RBFOX1: variants seen among roughly 807,000 people sequenced by gnomAD.
RBFOX1 encodes the protein RNA binding fox-1 homolog 1.
In RBFOX1, 8 loss-of-function variants were observed where a neutral mutation model predicts 57.7. The observed-to-expected ratio is 0.14, with a 90% CI of 0.08 to 0.25. The LOEUF is 0.25. Ranked by LOEUF, RBFOX1 falls within the 10% of genes least tolerant of loss-of-function variation. The pLI is 1.00. For synonymous variants in RBFOX1, 326 were observed against 222.4 expected, an observed-to-expected ratio of 1.47 and a Z score of -4.15; for missense variants, 611 against 548.5, an observed-to-expected ratio of 1.11 and a Z score of -1.14.
chr16:7,177,417 C>T (rs772886978), intron 4 of RBFOX1, among the ~76,000 whole-genome samples: 14 of 151,730 alleles, frequency 9.2e-5, no homozygotes, highest in Non-Finnish European at 1.8e-4. Context: ...CTGACTTGAT[C>T]CTTAAACATT....
At chr16:7,628,904 C>T (rs531333172) in intron 10 of RBFOX1, among the ~76,000 whole-genome samples, 92 of 152,280 alleles carry the variant, frequency 6.0e-4, no homozygotes, top group Non-Finnish European at 1.1e-3. Flanking sequence ...TGAGCCACTA[C>T]ACCTGGCCGA....
chr16:7,496,514 T>C (rs897235355), intron 4 of RBFOX1, among the ~76,000 whole-genome samples: 18 of 152,112 alleles, frequency 1.2e-4, no homozygotes, highest in African/African-American at 3.9e-4. Flanking sequence ...AATGAGGTAA[T>C]AGATGTCAGT....
intron 2 of RBFOX1, among the ~76,000 whole-genome samples, chr16:6,317,773 C>G (rs947897396): frequency 3.9e-5 from 6 of 152,068 alleles, no homozygotes; most frequent in African/African-American, 1.4e-4. Context: ...GATGTCAGCC[C>G]TCCTCTGCAA....
chr16:6,054,022 C>T (rs2095584367), intron 1 of RBFOX1, among the ~76,000 whole-genome samples: 1 of 151,996 alleles, frequency 6.6e-6, no homozygotes, highest in Admixed American at 6.6e-5. Context: ...GTACTCCAGC[C>T]TGCGCAACAG....
chr16:6,256,648 A>G (rs573350061), intron 1 of RBFOX1, among the ~76,000 whole-genome samples: 2 of 152,258 alleles, frequency 1.3e-5, no homozygotes, highest in South Asian at 4.1e-4. Context: ...CACTTTAGCC[A>G]GAACACTTTT....
chr16:6,464,600 T>C (rs934658779), intron 2 of RBFOX1, among the ~76,000 whole-genome samples: 2 of 152,330 alleles, frequency 1.3e-5, no homozygotes, highest in Admixed American at 1.3e-4. Context: ...TACCATTGTT[T>C]AAATGAAAAG....
intron 1 of RBFOX1, among the ~76,000 whole-genome samples, chr16:5,385,820 C>G (rs1270683448): frequency 2.0e-5 from 3 of 152,146 alleles, no homozygotes; most frequent in African/African-American, 7.2e-5. Flanking sequence ...CAATCAGCAC[C>G]AATATTGAAA....
At chr16:7,129,881 A>T (rs1262926375) in intron 4 of RBFOX1, among the ~76,000 whole-genome samples, 1 of 152,044 alleles carries the variant, frequency 6.6e-6, no homozygotes, top group African/African-American at 2.4e-5. Context: ...GGATGAAAAA[A>T]TAAGCAATGA....
chr16:6,963,395 C>G (rs955262051), intron 3 of RBFOX1, among the ~76,000 whole-genome samples: 2 of 151,934 alleles, frequency 1.3e-5, no homozygotes, highest in Non-Finnish European at 2.9e-5. Flanking sequence ...CACACACACA[C>G]TTGAAATAAA....
At chr16:7,204,913 C>T (rs1603042800) in intron 4 of RBFOX1, among the ~76,000 whole-genome samples, 1 of 152,172 alleles carries the variant, frequency 6.6e-6, no homozygotes, top group Admixed American at 6.6e-5. Context: ...TTCTATGTCT[C>T]TTGCACTGTC....
chr16:6,278,271 C>A (rs1021854339), intron 1 of RBFOX1, among the ~76,000 whole-genome samples: 1 of 148,572 alleles, frequency 6.7e-6, no homozygotes. Context: ...AGGGAGCAGG[C>A]ATGTGCTTTA....
chr16:6,377,582 T>C (rs2091335425), intron 2 of RBFOX1, among the ~76,000 whole-genome samples: 1 of 152,150 alleles, frequency 6.6e-6, no homozygotes, highest in South Asian at 2.1e-4. Flanking sequence ...CAGTGGAATT[T>C]GGGAAGGGTC....
chr16:7,690,809 A>C (rs140352558), intron 14 of RBFOX1, among the ~76,000 whole-genome samples: 1 of 152,232 alleles, frequency 6.6e-6, no homozygotes, highest in East Asian at 1.9e-4. Context: ...CAATAGTCTT[A>C]ATGTTCAAGG....
At chr16:6,809,165 G>T (rs1037098843) in intron 3 of RBFOX1, among the ~76,000 whole-genome samples, 3 of 152,194 alleles carry the variant, frequency 2.0e-5, no homozygotes, top group Non-Finnish European at 4.4e-5. Context: ...ATTTCTGTAA[G>T]TCATTTCCCT....
chr16:7,613,288 G>A (rs7195278), intron 10 of RBFOX1, among the ~76,000 whole-genome samples: 3 of 151,944 alleles, frequency 2.0e-5, no homozygotes, highest in Non-Finnish European at 4.4e-5. Flanking sequence ...CTAAAAATGC[G>A]CCATGCCTGA....
In RBFOX1 at chr16:7,202,298, T is replaced by TAAA. The variant is rs35437762; in HGVS notation, c.27+150214_27+150216dup. ...TCACACACATTAGGATGGCTGCAAATAAAAAAAAAAAAAAAAGAAGCACAG... is the reference window on the plus strand; with the variant it reads ...TCACACACATTAGGATGGCTGCAAATAAAAAAAAAAAAAAAAAAAGAAGCACAG... On this transcript the variant is annotated intron_variant, in intron 4 of 15. Coordinates refer to ENST00000550418, the MANE Select transcript of RBFOX1 (RefSeq NM_018723.4). Among the ~76,000 whole-genome samples, 523 of 131,720 alleles carry TAAA rather than the reference T, an allele frequency of 4.0e-3. 1 individual carries two copies. Among genetic ancestry groups the TAAA allele is most frequent in the African/African-American group, 0.013 (489 of 36,442 alleles). The allele number at this position is 131,720 out of a possible 152,430, so 86.4% of individuals were successfully genotyped here.
At chr16:6,212,537 C>T (rs933550676) in intron 1 of RBFOX1, among the ~76,000 whole-genome samples, 5 of 152,048 alleles carry the variant, frequency 3.3e-5, no homozygotes, top group African/African-American at 7.2e-5. Flanking sequence ...GAAACCCTGT[C>T]TCTACTAAAA....
At chr16:5,703,253 G>C (rs1247584986) in intron 3 of RBFOX1, among the ~76,000 whole-genome samples, 2 of 152,328 alleles carry the variant, frequency 1.3e-5, no homozygotes, top group East Asian at 3.9e-4. Flanking sequence ...TGAGTATGGG[G>C]TAAGGGCATT....
At chr16:6,774,218 G>A (rs907869652) in intron 3 of RBFOX1, among the ~76,000 whole-genome samples, 12 of 152,108 alleles carry the variant, frequency 7.9e-5, no homozygotes, top group Non-Finnish European at 1.8e-4. Context: ...TTCTCTGTCT[G>A]TTTGGTTTTG....
Sources: gnomAD v4.1 joint callset for allele counts (sites outside exome capture counted in the v4.1 genomes callset) on GRCh38, gnomAD v4.1.1 for gene constraint, MANE v1.5 for transcripts, NCBI Gene and HGNC (gene_info 2026-07-23, HGNC 2026-07-21) for gene names.